Variants in ATP6V0D2 observed in about 807,000 individuals in gnomAD.
ATP6V0D2 encodes ATPase H+ transporting V0 subunit d2.
ATP6V0D2 carries 40 observed loss-of-function variants against 40.0 expected under a neutral mutation model. That is an observed-to-expected ratio of 1.00 (90% CI 0.78 to 1.30). The LOEUF (loss-of-function observed/expected upper bound fraction) is 1.30. Ranked by LOEUF, ATP6V0D2 falls within the 50% of genes most tolerant of loss-of-function variation. The pLI is 0.00. For missense variants in ATP6V0D2, 470 were observed against 423.1 expected (o/e 1.11, Z -0.97); for synonymous variants, 179 against 156.3 (o/e 1.15, Z -1.08).
At position 86,150,250 on chromosome 8, in the gene ATP6V0D2, G is replaced by C; in HGVS notation, c.778G>C (p.Asp260His). Residue 260 changes from aspartate to histidine, a missense_variant, in exon 6 of 8, where the codon GAC (aspartate) becomes CAC (histidine). Transcript: ENST00000285393. ...EGLRLLAQAE[D>H]FDQMKNVADH... ...GTTGCGGCTGTTGGCTCAAGCAGAA[G>C]ACTTTGACCAGATGAAGAACGTAGC... 6.2e-7 allele frequency: 1 copy of C among 1,613,292 alleles called. No homozygotes were observed. The highest frequency in any genetic ancestry group is 8.5e-7 in the Non-Finnish European group (1 of 1,179,876).
At chr8:86,139,238 A>G (rs1818940550) in intron 2 of ATP6V0D2, among the ~76,000 whole-genome samples, 1 of 152,058 alleles carries the variant, frequency 6.6e-6, no homozygotes, top group Non-Finnish European at 1.5e-5. Context: ...AAAAAAAAAA[A>G]AAAAAAGAAT....
intron 2 of ATP6V0D2, among the ~76,000 whole-genome samples, chr8:86,135,750 A>T (rs1485011385): frequency 6.6e-6 from 1 of 152,186 alleles, no homozygotes; most frequent in African/African-American, 2.4e-5. Context: ...TAGGAGAAAA[A>T]TTAACCTAAC....
Position 86,113,916 on chromosome 8 carries a change from G to A in ATP6V0D2, c.302+36G>A, listed in dbSNP as rs756949117. On this transcript the variant is annotated intron_variant, in intron 2 of 7. Transcript: ENST00000285393. ...ACAGAAAGCCCTAATAAGCCCCAATGTACTCGTGCGGATGACCCCTAACAA... is the reference window on the plus strand; with the variant it reads ...ACAGAAAGCCCTAATAAGCCCCAATATACTCGTGCGGATGACCCCTAACAA... 2.8e-5 allele frequency: 44 copies of A among 1,570,286 alleles called. No homozygotes were observed. The South Asian group carries it at 4.2e-4, about 15-fold the overall frequency.
intron 5 of ATP6V0D2, among the ~76,000 whole-genome samples, chr8:86,143,428 C>T (rs575609313): frequency 1.3e-5 from 2 of 152,234 alleles, no homozygotes; most frequent in South Asian, 4.2e-4. Context: ...CAGAGCAGCC[C>T]CAAGGGCTGC....
chr8:86,133,471 C>T (rs572776609), intron 2 of ATP6V0D2, among the ~76,000 whole-genome samples: 7 of 151,596 alleles, frequency 4.6e-5, no homozygotes, highest in South Asian at 2.1e-4. Context: ...TACAGGCGCC[C>T]ACCACCACAC....
intron 1 of ATP6V0D2, among the ~76,000 whole-genome samples, chr8:86,111,189 T>A (rs1310241911): frequency 6.6e-6 from 1 of 151,546 alleles, no homozygotes; most frequent in Admixed American, 6.6e-5. Context: ...TTTCTTTCTT[T>A]TTTTTTTTAA....
At chr8:86,147,260 A>G (rs1176471412) in intron 5 of ATP6V0D2, among the ~76,000 whole-genome samples, 1 of 152,146 alleles carries the variant, frequency 6.6e-6, no homozygotes. Flanking sequence ...TCCCATGAGG[A>G]ACTGGAGAGA....
At chr8:86,143,197 G>A (rs1396820842) in intron 5 of ATP6V0D2, among the ~76,000 whole-genome samples, 3 of 152,064 alleles carry the variant, frequency 2.0e-5, no homozygotes, top group African/African-American at 4.8e-5. Context: ...AAATAATAAT[G>A]TTTACACAGA....
At chr8:86,137,709 C>G (rs1269834942) in intron 2 of ATP6V0D2, among the ~76,000 whole-genome samples, 3 of 152,122 alleles carry the variant, frequency 2.0e-5, no homozygotes, top group Admixed American at 2.0e-4. Context: ...GCCCAGAAAC[C>G]TACACATCAC....
At chr8:86,107,034 T>TA (rs11419040) in intron 1 of ATP6V0D2, among the ~76,000 whole-genome samples, 124,243 of 149,742 alleles carry the variant, frequency 0.83, 51,676 homozygotes, top group African/African-American at 0.88. Context: ...AGAATCTGTC[T>TA]AAAAAAAAAA....
Position 86,150,114 on chromosome 8 carries a change from TG to T in ATP6V0D2, c.643del (p.Glu215ArgfsTer18), listed in dbSNP as rs1819122954. On this transcript the variant is annotated frameshift_variant, in exon 6 of 8. Coordinates refer to ENST00000285393, the MANE Select transcript of ATP6V0D2 (RefSeq NM_152565.1). LOFTEE classifies it high-confidence loss of function. ...CTGGTTTTGTCTTGCAAATTCAGTTTGAGGCCGACAGACGTGCTTTTATCAT... is the reference window on the plus strand; with the variant it reads ...CTGGTTTTGTCTTGCAAATTCAGTTTAGGCCGACAGACGTGCTTTTATCAT... ...AEVMCPILEF[E>X]ADRRAFIITL... The T allele has an allele frequency of 6.2e-7, 1 of 1,610,218 alleles. No homozygotes were observed. Among genetic ancestry groups the T allele is most frequent in the Admixed American group, 1.7e-5 (1 of 59,568 alleles).
intron 2 of ATP6V0D2, among the ~76,000 whole-genome samples, chr8:86,128,206 G>A (rs544619525): frequency 5.3e-5 from 8 of 152,178 alleles, no homozygotes; most frequent in African/African-American, 1.7e-4. Flanking sequence ...AAAATTAGCC[G>A]GGCATGGTGG....
intron 1 of ATP6V0D2, among the ~76,000 whole-genome samples, chr8:86,111,610 G>A (rs1000193830): frequency 1.3e-5 from 2 of 152,182 alleles, no homozygotes; most frequent in Admixed American, 6.5e-5. Context: ...CCAGTAGTGA[G>A]ATTGCTAGAT....
intron 2 of ATP6V0D2, among the ~76,000 whole-genome samples, chr8:86,115,984 G>T (rs187689933): frequency 8.3e-4 from 127 of 152,262 alleles, no homozygotes; most frequent in African/African-American, 2.9e-3. Context: ...CAGTGGGCAA[G>T]AGCAGAAGTA....
chr8:86,150,219 T>C lies in ATP6V0D2; in HGVS notation c.747T>C (p.Pro249=). 1 of 1,613,224 alleles carries C rather than the reference T, an allele frequency of 6.2e-7. No homozygotes were observed. Residue 249 remains proline (P), a synonymous_variant, in exon 6 of 8, where the codon CCT becomes CCC. Transcript: ENST00000285393. ...TLYPTFGKLY[P]EGLRLLAQAE... is the part of the protein sequence containing the mutation. ...ATCCAACCTTCGGCAAACTCTATCC[T>C]GAGGGGTTGCGGCTGTTGGCTCAAG...
intron 2 of ATP6V0D2, among the ~76,000 whole-genome samples, chr8:86,115,820 G>A (rs1818586079): frequency 2.6e-5 from 4 of 152,064 alleles, no homozygotes; most frequent in Admixed American, 2.6e-4. Flanking sequence ...TTAATTTCAG[G>A]GGAAAATAAT....
intron 2 of ATP6V0D2, among the ~76,000 whole-genome samples, chr8:86,137,144 A>T (rs1818909465): frequency 6.6e-6 from 1 of 152,060 alleles, no homozygotes; most frequent in Non-Finnish European, 1.5e-5. Flanking sequence ...CAGACACACA[A>T]TGGCCAGTCT....
intron 2 of ATP6V0D2, among the ~76,000 whole-genome samples, chr8:86,123,935 G>T (rs1056314120): frequency 4.6e-5 from 7 of 151,972 alleles, no homozygotes; most frequent in African/African-American, 1.2e-4. Context: ...CCTTCCATCT[G>T]GTCATGAACA....
chr8:86,124,163 A>C (rs1818709814), intron 2 of ATP6V0D2, among the ~76,000 whole-genome samples: 1 of 152,184 alleles, frequency 6.6e-6, no homozygotes, highest in African/African-American at 2.4e-5. Flanking sequence ...CAATGGGAAT[A>C]GTCAAAGGGG....
Sources: allele counts gnomAD v4.1 joint callset (sites outside exome capture counted in the v4.1 genomes callset), GRCh38; gene constraint gnomAD v4.1.1; transcripts MANE v1.5; gene names NCBI Gene and HGNC (gene_info 2026-07-23, HGNC 2026-07-21).